The following SGPL1 variants were observed in gnomAD, a reference collection of about 807,000 sequenced individuals.
The protein encoded by SGPL1 is sphingosine-1-phosphate lyase 1, also known as SP-lyase 1.
Under a neutral mutation model 68.9 loss-of-function variants are expected in SGPL1, and 37 were observed. The observed-to-expected ratio is 0.54, with a 90% CI of 0.41 to 0.71. The LOEUF (loss-of-function observed/expected upper bound fraction) is 0.71, where lower values mean the gene tolerates loss of function less well. SGPL1 is among the 30% of genes least tolerant of loss of function. The pLI, the probability that SGPL1 is intolerant of heterozygous loss-of-function variation, is 0.00. For synonymous variants in SGPL1, 236 were observed against 248.5 expected, an observed-to-expected ratio of 0.95 and a Z score of 0.47; for missense variants, 551 against 704.6, an observed-to-expected ratio of 0.78 and a Z score of 2.47.
intron 2 of SGPL1, among the ~76,000 whole-genome samples, chr10:70,817,957 T>C (rs1845266367): frequency 2.6e-5 from 4 of 152,252 alleles, no homozygotes; most frequent in Admixed American, 2.6e-4. Context: ...CAGGGAAGAA[T>C]AGCGTTGCTA....
At chr10:70,865,090 C>T (rs960872211) in intron 7 of SGPL1, among the ~76,000 whole-genome samples, 5 of 152,254 alleles carry the variant, frequency 3.3e-5, no homozygotes, top group Admixed American at 2.6e-4. Flanking sequence ...CTCAGCTTGC[C>T]TCTGCAGATT....
intron 3 of SGPL1, among the ~76,000 whole-genome samples, chr10:70,845,332 T>G (rs1282130706): frequency 1.3e-5 from 2 of 152,114 alleles, no homozygotes; most frequent in Non-Finnish European, 2.9e-5. Flanking sequence ...CAGTAAAGAT[T>G]AGGTGAAATT....
rs1218470707 is a variant in SGPL1 at position 70,871,287 on chromosome 10, G to A, written c.909+141G>A. Reference sequence around the variant, plus strand: ...GATAAGTAGCTCTCATCAGCCCTAGGGGAAGCCCTGCAGCTCAGTTGCAAG... The same window carrying A: ...GATAAGTAGCTCTCATCAGCCCTAGAGGAAGCCCTGCAGCTCAGTTGCAAG... On this transcript the variant is annotated intron_variant, in intron 10 of 14. Coordinates refer to ENST00000373202, the MANE Select transcript of SGPL1 (RefSeq NM_003901.4). 4 of 572,372 alleles carry A rather than the reference G, an allele frequency of 7.0e-6. No homozygotes were observed. The East Asian group carries it at 8.8e-5, about 13-fold the overall frequency. 35.5% of individuals were successfully genotyped at this position (572,372 alleles called of 1,614,324 possible).
At chr10:70,834,573 G>T (rs1845595205) in intron 2 of SGPL1, among the ~76,000 whole-genome samples, 2 of 152,228 alleles carry the variant, frequency 1.3e-5, no homozygotes, top group Admixed American at 1.3e-4. Context: ...TAGTATGAGT[G>T]TAAGTCTCTA....
Position 70,815,956 on chromosome 10 carries a change from G to A in SGPL1, c.-214G>A, listed in dbSNP as rs1845216890. On this transcript the variant is annotated 5_prime_UTR_variant, in exon 1 of 15. Coordinates refer to ENST00000373202, the MANE Select transcript of SGPL1 (RefSeq NM_003901.4). ...CCGGTGCCCCCGGAGCCATTTCCGGGAGGGGCGAGGCCGGCGGCTGCCGGG... is the reference window on the plus strand; with the variant it reads ...CCGGTGCCCCCGGAGCCATTTCCGGAAGGGGCGAGGCCGGCGGCTGCCGGG... 1 of 151,572 alleles carries A rather than the reference G, an allele frequency of 6.6e-6. No homozygotes were observed. Among genetic ancestry groups the A allele is most frequent in the African/African-American group, 2.4e-5 (1 of 41,338 alleles). The allele number at this position is 151,572 out of a possible 1,614,324, so 9.4% of individuals were successfully genotyped here.
intron 2 of SGPL1, 88 bp downstream of exon 2, chr10:70,816,968 C>A: frequency 8.1e-7 from 1 of 1,230,258 alleles, no homozygotes; most frequent in Non-Finnish European, 1.2e-6. Context: ...GATTTCACCT[C>A]TGATGCTTGC....
chr10:70,854,930 G>A, intron 5 of SGPL1, 75 bp downstream of exon 5: 1 of 1,304,282 alleles, frequency 7.7e-7, no homozygotes. Flanking sequence ...TGTTCACATA[G>A]GTTAAGAATA....
intron 1 of SGPL1, 35 bp from the exon 2 acceptor site, chr10:70,816,776 C>T (rs1410053461): frequency 6.3e-6 from 9 of 1,430,478 alleles, no homozygotes; most frequent in Non-Finnish European, 8.9e-6. Flanking sequence ...CAGTTTAAAG[C>T]TCTAGAAGTA....
chr10:70,849,892 A>C (rs1845851257), intron 3 of SGPL1, among the ~76,000 whole-genome samples: 2 of 152,228 alleles, frequency 1.3e-5, no homozygotes, highest in Non-Finnish European at 2.9e-5. Flanking sequence ...CTTCAGTTAA[A>C]TCTTTGCTCT....
rs1382506865 is a variant in SGPL1, at chr10:70,880,266, A to G, written c.*2931A>G. 1 of 152,228 alleles carries G rather than the reference A, an allele frequency of 6.6e-6. No individual in the cohort carries two copies. The highest frequency in any genetic ancestry group is 1.9e-4 in the East Asian group (1 of 5,192). 9.4% of individuals were successfully genotyped at this position (152,228 alleles called of 1,614,324 possible). A position where few individuals can be genotyped will look rare whatever the true frequency, so the allele number is the denominator to read the frequency against. ...TGATACCAAGACCAATGAAAGAGAC[A>G]CAGTTAAGCAGCAATCCATCTCATT... On this transcript the variant is annotated 3_prime_UTR_variant, in exon 15 of 15. Transcript: ENST00000373202.
chr10:70,875,115 T>C (rs1234613471), intron 12 of SGPL1, among the ~76,000 whole-genome samples: 2 of 152,280 alleles, frequency 1.3e-5, no homozygotes, highest in South Asian at 2.1e-4. Flanking sequence ...GGGAATATAA[T>C]TGGGAGTTGG....
intron 2 of SGPL1, among the ~76,000 whole-genome samples, chr10:70,830,774 G>A (rs983375242): frequency 3.9e-5 from 6 of 152,240 alleles, no homozygotes; most frequent in Admixed American, 3.3e-4. Flanking sequence ...TTTTCTGGGC[G>A]TCGGAGGAGT....
chr10:70,848,347 T>A (rs755986356), intron 3 of SGPL1, among the ~76,000 whole-genome samples: 3 of 152,232 alleles, frequency 2.0e-5, no homozygotes, highest in Non-Finnish European at 2.9e-5. Flanking sequence ...AAAATTCTTT[T>A]TTTAAAGTAA....
chr10:70,848,454 C>CTTTTTTTTTTTTTTTTTTTTTTTT (rs55860254), intron 3 of SGPL1, among the ~76,000 whole-genome samples: 1 of 70,678 alleles, frequency 1.4e-5, no homozygotes, highest in African/African-American at 6.8e-5. Flanking sequence ...ACCTCACGTA[C>CTTTTTTTTTTTTTTTTTTTTTTTT]TTTTTTTTTT....
At chr10:70,825,704 C>T (rs548713491) in intron 2 of SGPL1, among the ~76,000 whole-genome samples, 1 of 152,174 alleles carries the variant, frequency 6.6e-6, no homozygotes, top group Non-Finnish European at 1.5e-5. Flanking sequence ...CTACAATGCC[C>T]TGTCAGGAGT....
At chr10:70,835,174 G>C (rs116807562) in intron 2 of SGPL1, among the ~76,000 whole-genome samples, 1 of 152,212 alleles carries the variant, frequency 6.6e-6, no homozygotes, top group African/African-American at 2.4e-5. Context: ...TTGAATAAAC[G>C]TTGAGTTCCT....
At chr10:70,816,594 C>A (rs577773497) in intron 1 of SGPL1, among the ~76,000 whole-genome samples, 4 of 152,234 alleles carry the variant, frequency 2.6e-5, no homozygotes, top group African/African-American at 9.6e-5. Flanking sequence ...GAGTCTGGGT[C>A]TGGATTAGTT....
intron 14 of SGPL1, 119 bp downstream of exon 14, chr10:70,876,780 T>G: frequency 4.4e-6 from 4 of 912,712 alleles, no homozygotes; most frequent in Non-Finnish European, 6.7e-6. Context: ...CAGACATCTT[T>G]TATTTGTTGA....
rs1294811946 is a variant in SGPL1, at chr10:70,816,984, G to T, written c.27+104G>T. 7 of 1,109,956 alleles carry T rather than the reference G, an allele frequency of 6.3e-6. No homozygotes were observed. In the East Asian group the frequency reaches 9.5e-5, roughly 15 times the overall value. The allele number at this position is 1,109,956 out of a possible 1,614,324, so 68.8% of individuals were successfully genotyped here. A position where few individuals can be genotyped will look rare whatever the true frequency, so the allele number is the denominator to read the frequency against. On this transcript the variant is annotated intron_variant, in intron 2 of 14. Coordinates refer to ENST00000373202, the MANE Select transcript of SGPL1 (RefSeq NM_003901.4). ...ATTTCACCTCTGATGCTTGCTTTTGGTAGCTGAGCGTTTTGCCACCTTTTA... is the reference window on the plus strand; with the variant it reads ...ATTTCACCTCTGATGCTTGCTTTTGTTAGCTGAGCGTTTTGCCACCTTTTA...
Sources: allele counts gnomAD v4.1 joint callset (sites outside exome capture counted in the v4.1 genomes callset), GRCh38; gene constraint gnomAD v4.1.1; transcripts MANE v1.5; gene names NCBI Gene and HGNC (gene_info 2026-07-23, HGNC 2026-07-21).